MRTFA: variants seen among roughly 807,000 people sequenced by gnomAD.
MRTFA encodes myocardin-related transcription factor A.
MRTFA carries 20 observed loss-of-function variants against 83.5 expected under a neutral mutation model. The observed-to-expected ratio is 0.24, with a 90% confidence interval of 0.17 to 0.35. The LOEUF (loss-of-function observed/expected upper bound fraction) is 0.35. MRTFA is among the 10% of genes least tolerant of loss of function. MRTFA has a pLI of 1.00. For synonymous variants in MRTFA, 659 were observed against 541.2 expected, an observed-to-expected ratio of 1.22 and a Z score of -3.02; for missense variants, 1,200 against 1,224.7, an observed-to-expected ratio of 0.98 and a Z score of 0.30.
intron 4 of MRTFA, among the ~76,000 whole-genome samples, chr22:40,448,297 G>A (rs867202087): frequency 4.7e-5 from 7 of 149,488 alleles, no homozygotes; most frequent in African/African-American, 7.4e-5. Flanking sequence ...GCAACAGAGC[G>A]AGACTCTGTC....
At chr22:40,427,319 G>A (rs1005518301) in intron 7 of MRTFA, among the ~76,000 whole-genome samples, 3 of 152,128 alleles carry the variant, frequency 2.0e-5, no homozygotes, top group Non-Finnish European at 4.4e-5. Context: ...GGGCTCCTCC[G>A]GGCCCAGTGT....
At chr22:40,519,106 G>A (rs1028499451) in intron 3 of MRTFA, among the ~76,000 whole-genome samples, 1 of 151,612 alleles carries the variant, frequency 6.6e-6, no homozygotes, top group Admixed American at 6.6e-5. Flanking sequence ...CTGCCTCCCG[G>A]TCTCAAGGGA....
chr22:40,470,405 C>T (rs1313406556), intron 3 of MRTFA, among the ~76,000 whole-genome samples: 3 of 150,154 alleles, frequency 2.0e-5, no homozygotes, highest in African/African-American at 7.4e-5. Context: ...GTACTTTGAA[C>T]TAAACAATTT....
chr22:40,459,822 C>CACAAATATACAT (rs1308675939), intron 4 of MRTFA, among the ~76,000 whole-genome samples: 1 of 68,266 alleles, frequency 1.5e-5, no homozygotes. Context: ...CACACACACA[C>CACAAATATACAT]ATATATACAT....
At chr22:40,619,685 C>G (rs1321790381) in intron 1 of MRTFA, among the ~76,000 whole-genome samples, 3 of 151,736 alleles carry the variant, frequency 2.0e-5, no homozygotes, top group African/African-American at 7.3e-5. Context: ...GTCAGGAGAT[C>G]GAGACCATCC....
intron 2 of MRTFA, among the ~76,000 whole-genome samples, chr22:40,557,653 A>G (rs1456220214): frequency 6.6e-6 from 1 of 152,156 alleles, no homozygotes; most frequent in African/African-American, 2.4e-5. Flanking sequence ...AAAAAGAAGG[A>G]AAAAAAGTGG....
At chr22:40,431,555 G>T in intron 5 of MRTFA, 75 bp from the exon 6 acceptor site, 2 of 1,410,326 alleles carry the variant, frequency 1.4e-6, no homozygotes, top group Non-Finnish European at 2.0e-6. Context: ...CACAACAGCA[G>T]CCTTGGCCAT....
At chr22:40,594,547 G>C (rs183868725) in intron 2 of MRTFA, 127 bp downstream of exon 2, 1 of 151,792 alleles carries the variant, frequency 6.6e-6, no homozygotes, top group Non-Finnish European at 1.5e-5. Flanking sequence ...CGATGAGTGA[G>C]ACTGAAAAAG....
At chr22:40,633,179 T>C (rs2056659367) in intron 1 of MRTFA, among the ~76,000 whole-genome samples, 1 of 152,212 alleles carries the variant, frequency 6.6e-6, no homozygotes, top group African/African-American at 2.4e-5. Flanking sequence ...GTTTCTTATG[T>C]TTGTCAATTG....
chr22:40,513,823 G>A (rs1456920970), intron 3 of MRTFA, among the ~76,000 whole-genome samples: 2 of 152,002 alleles, frequency 1.3e-5, no homozygotes, highest in Non-Finnish European at 2.9e-5. Flanking sequence ...TGGGCTGGGC[G>A]TGATGGCTCA....
chr22:40,616,132 G>T (rs947974020), intron 1 of MRTFA, among the ~76,000 whole-genome samples: 1 of 151,952 alleles, frequency 6.6e-6, no homozygotes, highest in African/African-American at 2.4e-5. Flanking sequence ...CAGACTTCTG[G>T]CTTCTTTTTG....
intron 4 of MRTFA, among the ~76,000 whole-genome samples, chr22:40,440,978 C>A (rs1602246091): frequency 6.6e-6 from 1 of 152,220 alleles, no homozygotes; most frequent in Non-Finnish European, 1.5e-5. Flanking sequence ...CTCCCTGCTA[C>A]CTTAATAGCT....
chr22:40,476,510 A>G (rs924798605), intron 3 of MRTFA, among the ~76,000 whole-genome samples: 3 of 151,764 alleles, frequency 2.0e-5, no homozygotes, highest in Non-Finnish European at 2.9e-5. Context: ...CAGGCTGGAG[A>G]GCAGTGGTGC....
At chr22:40,502,440 C>T (rs1241934045) in intron 3 of MRTFA, among the ~76,000 whole-genome samples, 1 of 128,996 alleles carries the variant, frequency 7.8e-6, no homozygotes, top group African/African-American at 3.0e-5. Context: ...GGGGCAGAGG[C>T]GCTCCCCACA....
chr22:40,610,032 C>G (rs932876360), intron 1 of MRTFA, among the ~76,000 whole-genome samples: 1 of 143,408 alleles, frequency 7.0e-6, no homozygotes, highest in Non-Finnish European at 1.5e-5. Context: ...ATGTCTGTTT[C>G]TTTTTTTTCT....
chr22:40,540,567 A>C (rs2055271731), intron 3 of MRTFA, among the ~76,000 whole-genome samples: 1 of 151,912 alleles, frequency 6.6e-6, no homozygotes, highest in Admixed American at 6.6e-5. Context: ...AGGTGGGTGG[A>C]TCAGGGGTTC....
At chr22:40,494,089 A>G (rs557872353) in intron 3 of MRTFA, among the ~76,000 whole-genome samples, 3 of 152,208 alleles carry the variant, frequency 2.0e-5, no homozygotes, top group South Asian at 4.1e-4. Flanking sequence ...CTCTATGCCT[A>G]TATGGTTTAT....
At chr22:40,590,018 T>A (rs1405749388) in intron 2 of MRTFA, among the ~76,000 whole-genome samples, 1 of 147,696 alleles carries the variant, frequency 6.8e-6, no homozygotes, top group African/African-American at 2.5e-5. Flanking sequence ...CGAGACTCCG[T>A]CTCGAAAAAA....
At chr22:40,601,449 T>C (rs947246793) in intron 1 of MRTFA, among the ~76,000 whole-genome samples, 1 of 152,192 alleles carries the variant, frequency 6.6e-6, no homozygotes, top group African/African-American at 2.4e-5. Flanking sequence ...CTTCAAGCGA[T>C]CCTCCTGCCT....
Sources: gnomAD v4.1 joint callset for allele counts (sites outside exome capture counted in the v4.1 genomes callset) on GRCh38, gnomAD v4.1.1 for gene constraint, MANE v1.5 for transcripts, NCBI Gene and HGNC (gene_info 2026-07-23, HGNC 2026-07-21) for gene names.